PCLO: variants seen among roughly 807,000 people sequenced by gnomAD.
The protein encoded by PCLO is protein piccolo.
PCLO carries 82 observed loss-of-function variants against 427.5 expected under a neutral mutation model. That is an observed-to-expected ratio of 0.19 (90% confidence interval 0.16 to 0.23). The LOEUF is 0.23. Among genes scored for constraint, PCLO ranks in the 10% least tolerant of loss-of-function variants. The pLI, the probability that PCLO is intolerant of heterozygous loss-of-function variation, is 1.00. For synonymous variants in PCLO, 2,357 were observed against 2,155.4 expected (o/e 1.09, Z -2.59); for missense variants, 6,239 against 6,115.9 (o/e 1.02, Z -0.67).
intron 3 of PCLO, among the ~76,000 whole-genome samples, chr7:83,116,632 T>C (rs1791141196): frequency 6.6e-6 from 1 of 152,204 alleles, no homozygotes; most frequent in Non-Finnish European, 1.5e-5. Flanking sequence ...TTATCATTTT[T>C]TGTGGTGAGA....
rs776514334 is a variant in PCLO, at chr7:82,956,301, T to C, written c.4652A>G (p.Glu1551Gly). 6.2e-7 allele frequency: 1 copy of C among 1,612,940 alleles called. No homozygotes were observed. The highest frequency in any genetic ancestry group is 1.1e-5 in the South Asian group (1 of 91,076). The change falls in exon 5 of 25, where the codon GAA becomes GGA. Residue 1551 changes from glutamate to glycine, a missense_variant. Physicochemically the swap from Glu to Gly is moderately conservative, Grantham distance 98. Transcript: ENST00000333891. ...YKQEDSQGSGEEEDFIRKQII... is the reference protein window; with the variant it reads ...YKQEDSQGSGGEEDFIRKQII... ...TTGTTTTCGAATGAAGTCCTCCTCT[T>C]CCCCTGATCCTTGGCTGTCTTCCTG...
At chr7:82,958,561 T>C (rs1254308189) in intron 4 of PCLO, among the ~76,000 whole-genome samples, 2 of 152,202 alleles carry the variant, frequency 1.3e-5, no homozygotes, top group African/African-American at 4.8e-5. Context: ...GAATTTACAA[T>C]GTTACTCAAT....
In PCLO at chr7:83,111,787, C is replaced by T. The variant is rs544563564; in HGVS notation, c.3300+22463G>A. On this transcript the variant is annotated intron_variant, in intron 3 of 24. Transcript: ENST00000333891. ...AAATTTGTGGCAACTTGTTACATAG[C>T]AATATAAAATTAACATTGTTGCAGA... 1.1e-4 allele frequency among the ~76,000 whole-genome samples: 17 copies of T among 152,234 alleles called. 1 individual carries two copies. Among genetic ancestry groups the T allele is most frequent in the Admixed American group, 5.2e-4 (8 of 15,278 alleles).
intron 3 of PCLO, among the ~76,000 whole-genome samples, chr7:82,975,900 T>C (rs2115735690): frequency 6.6e-6 from 1 of 152,296 alleles, no homozygotes; most frequent in East Asian, 1.9e-4. Flanking sequence ...TAAATTCTCC[T>C]TTGCCTTCTG....
At chr7:83,106,194 G>GTGC (rs1790850846) in intron 3 of PCLO, among the ~76,000 whole-genome samples, 2 of 152,302 alleles carry the variant, frequency 1.3e-5, no homozygotes, top group African/African-American at 4.8e-5. Context: ...ATCATTTGAG[G>GTGC]TGCTAAGTCC....
intron 22 of PCLO, among the ~76,000 whole-genome samples, chr7:82,793,541 C>A (rs1791151986): frequency 1.3e-5 from 2 of 152,156 alleles, no homozygotes; most frequent in Admixed American, 6.6e-5. Flanking sequence ...TTGAATTAAT[C>A]TCTAAACTTC....
chr7:83,018,241 T>G (rs1375996673), intron 3 of PCLO, among the ~76,000 whole-genome samples: 1 of 151,994 alleles, frequency 6.6e-6, no homozygotes, highest in African/African-American at 2.4e-5. Flanking sequence ...CAAAAAGCAT[T>G]TAACACACAA....
At chr7:82,943,199 G>T (rs903861075) in intron 6 of PCLO, among the ~76,000 whole-genome samples, 2 of 152,126 alleles carry the variant, frequency 1.3e-5, no homozygotes, top group Non-Finnish European at 2.9e-5. Flanking sequence ...GCTCATGAAT[G>T]CCATCTGCTT....
In PCLO at chr7:82,951,443, T is replaced by C; in HGVS notation, c.9145A>G (p.Thr3049Ala). The C allele has an allele frequency of 1.3e-6, 2 of 1,588,690 alleles. No homozygotes were observed. Among genetic ancestry groups the C allele is most frequent in the Non-Finnish European group, 1.7e-6 (2 of 1,166,330 alleles). ...SSKTTGPYPE[T>A]RQVISGAGIS... is the part of the protein sequence containing the mutation. ...CCAGCTCCTGAAATGACTTGTCGTG[T>C]TTCTGGATATGGACCTGTAGTCTTG... Residue 3049 changes from threonine (T) to alanine (A), a missense_variant, in exon 6 of 25, where the codon ACA becomes GCA. Around this residue, in one of 5 missense-constraint regions of PCLO, gnomAD observed 4,677 missense variants for 4,468.4 expected, o/e 1.05. Transcript: ENST00000333891.
chr7:82,841,076 T>C (rs1792354872), intron 14 of PCLO, among the ~76,000 whole-genome samples: 1 of 151,922 alleles, frequency 6.6e-6, no homozygotes, highest in Non-Finnish European at 1.5e-5. Context: ...TATTCAGCAA[T>C]TTTTAAAGCA....
At chr7:82,793,810 C>G (rs936972578) in intron 22 of PCLO, among the ~76,000 whole-genome samples, 1 of 152,056 alleles carries the variant, frequency 6.6e-6, no homozygotes, top group Non-Finnish European at 1.5e-5. Flanking sequence ...TTCTTTGTGT[C>G]TCTGGATTCA....
chr7:83,038,119 GCACACACACACATA>G (rs1562933332), intron 3 of PCLO, among the ~76,000 whole-genome samples: 8 of 83,504 alleles, frequency 9.6e-5, no homozygotes, highest in Non-Finnish European at 1.5e-4. Context: ...GTATATATAT[GCACACACACACATA>G]CACACACTCA....
intron 3 of PCLO, among the ~76,000 whole-genome samples, chr7:82,978,857 A>AAACACAC (rs1562896084): frequency 7.2e-6 from 1 of 138,592 alleles, no homozygotes; most frequent in Non-Finnish European, 1.5e-5. Flanking sequence ...CACACACACA[A>AAACACAC]ACACACACAC....
intron 22 of PCLO, among the ~76,000 whole-genome samples, chr7:82,777,805 C>T (rs190452456): frequency 3.3e-4 from 50 of 152,214 alleles, no homozygotes; most frequent in African/African-American, 1.2e-3. Context: ...TATAAAAACC[C>T]TGGAAGATTT....
At chr7:82,997,188 A>T (rs1192378292) in intron 3 of PCLO, among the ~76,000 whole-genome samples, 1 of 151,948 alleles carries the variant, frequency 6.6e-6, no homozygotes, top group East Asian at 1.9e-4. Flanking sequence ...TCAGGGAATA[A>T]GAGTACACCA....
chr7:83,137,500 G>C (rs781338985), intron 2 of PCLO, among the ~76,000 whole-genome samples: 1 of 152,048 alleles, frequency 6.6e-6, no homozygotes, highest in Non-Finnish European at 1.5e-5. Flanking sequence ...GTGCGATCTC[G>C]GCTCACTGCA....
Position 82,835,667 on chromosome 7 carries a change from C to T in PCLO, c.14249G>A (p.Ser4750Asn). Residue 4750 changes from serine (S) to asparagine (N), a missense_variant and splice_region_variant, in exon 16 of 25, where the codon AGT (serine) becomes AAT (asparagine). This residue lies in a region of PCLO where 877 missense variants were observed against 925.5 expected (regional missense o/e 0.95). Transcript: ENST00000333891. ...GACACTGAAAGAGAAACAACTCTAC[C>T]TTGCATTCTGGACAACCATGACTTG... ...RGQVMVVQNA[S>N]AEYKRRTKHV... 1.9e-6 allele frequency: 3 copies of T among 1,609,020 alleles called. No individual in the cohort carries two copies. Among genetic ancestry groups the T allele is most frequent in the Non-Finnish European group, 2.5e-6 (3 of 1,177,340 alleles).
At chr7:82,924,552 T>C (rs1307761191) in intron 6 of PCLO, among the ~76,000 whole-genome samples, 2 of 152,072 alleles carry the variant, frequency 1.3e-5, no homozygotes, top group Admixed American at 6.6e-5. Flanking sequence ...GCAATAATTA[T>C]GGAAAAGTTT....
rs117748707 is a variant in PCLO, at chr7:82,944,540, A to T, written c.11112+4936T>A. Among the ~76,000 whole-genome samples the T allele has an allele frequency of 7.2e-5, 11 of 152,300 alleles. No individual in the cohort carries two copies. The East Asian group carries it at 2.1e-3, about 29-fold the overall frequency. On this transcript the variant is annotated intron_variant, in intron 6 of 24. Transcript: ENST00000333891. ...ATAAAGAAGGCCATAGAGATAGAGT[A>T]CTAATTTAAGACAGGTCAGTCAAGA... is the stretch of plus-strand genomic sequence containing the variant.
Sources: gnomAD v4.1 joint callset for allele counts (sites outside exome capture counted in the v4.1 genomes callset) on GRCh38, gnomAD v4.1.1 for gene constraint, gnomAD v4.1.1 regional missense constraint, MANE v1.5 for transcripts, NCBI Gene and HGNC (gene_info 2026-07-23, HGNC 2026-07-21) for gene names.